TTC6: variants seen among roughly 807,000 people sequenced by gnomAD.
TTC6 encodes the protein tetratricopeptide repeat protein 6.
Under a neutral mutation model 210.4 loss-of-function variants are expected in TTC6, and 172 were observed. The ratio of observed to expected loss-of-function variants is 0.82; its 90% confidence interval spans 0.72 to 0.93. The LOEUF (loss-of-function observed/expected upper bound fraction) is 0.93, where lower values mean the gene tolerates loss of function less well. TTC6 is among the 40% of genes least tolerant of loss of function. The pLI is 0.00. For synonymous variants in TTC6, 804 were observed against 819.6 expected (o/e 0.98, Z 0.32); for missense variants, 2,414 against 2,318.1 (o/e 1.04, Z -0.85).
chr14:37,603,970 G>A (rs1459284398), intron 1 of TTC6, among the ~76,000 whole-genome samples: 1 of 152,190 alleles, frequency 6.6e-6, no homozygotes, highest in Non-Finnish European at 1.5e-5. Context: ...AGTGTAGAAT[G>A]AGTATGCAAT....
intron 2 of TTC6, among the ~76,000 whole-genome samples, chr14:37,608,420 C>T (rs1404871844): frequency 1.3e-5 from 2 of 152,022 alleles, no homozygotes; most frequent in Non-Finnish European, 2.9e-5. Context: ...AGCAATCCTC[C>T]TACCTTAGCC....
At chr14:37,781,380 T>G (rs1034931189) in intron 14 of TTC6, among the ~76,000 whole-genome samples, 1 of 152,206 alleles carries the variant, frequency 6.6e-6, no homozygotes, top group Non-Finnish European at 1.5e-5. Flanking sequence ...TAATGACCAG[T>G]GATGATGAGC....
At chr14:37,615,997 G>C (rs1448936905) in intron 2 of TTC6, among the ~76,000 whole-genome samples, 1 of 152,190 alleles carries the variant, frequency 6.6e-6, no homozygotes. Context: ...TCTAGGTTCT[G>C]TCATATCCTT....
intron 1 of TTC6, among the ~76,000 whole-genome samples, chr14:37,645,332 T>G (rs2095699622): frequency 1.3e-5 from 2 of 152,218 alleles, no homozygotes; most frequent in African/African-American, 4.8e-5. Context: ...ACACACTTAT[T>G]GGTCTCTAAA....
intron 14 of TTC6, among the ~76,000 whole-genome samples, chr14:37,759,468 C>A (rs964475018): frequency 6.6e-6 from 1 of 151,840 alleles, no homozygotes; most frequent in South Asian, 2.1e-4. Context: ...GAGAATTTGA[C>A]GATTATGTTT....
exon 15 of TTC6, chr14:37,787,471 A>G (rs2096070465): frequency 6.6e-7 from 1 of 1,516,472 alleles, no homozygotes; most frequent in South Asian, 1.2e-5. Context: ...TTCCTAGGAC[A>G]TACCGAGGGA....
intron 5 of TTC6, among the ~76,000 whole-genome samples, chr14:37,711,872 A>G (rs2138742869): frequency 6.6e-6 from 1 of 152,250 alleles, no homozygotes; most frequent in East Asian, 1.9e-4. Flanking sequence ...AGGGAGAATG[A>G]ACAGAAATAG....
At chr14:37,596,695 G>A (rs2095605310) in intron 1 of TTC6, among the ~76,000 whole-genome samples, 1 of 152,242 alleles carries the variant, frequency 6.6e-6, no homozygotes, top group South Asian at 2.1e-4. Flanking sequence ...TGTACTGCCT[G>A]TAGAACCACT....
chr14:37,800,811 A>G (rs1333259163), intron 20 of TTC6, among the ~76,000 whole-genome samples: 2 of 152,214 alleles, frequency 1.3e-5, no homozygotes, highest in African/African-American at 4.8e-5. Context: ...ATTTATTTAT[A>G]AACACTGACA....
intron 1 of TTC6, among the ~76,000 whole-genome samples, chr14:37,659,601 C>G (rs1162434022): frequency 6.6e-6 from 1 of 152,026 alleles, no homozygotes; most frequent in African/African-American, 2.4e-5. Flanking sequence ...AATCTTGGCT[C>G]ACTGCAACCT....
chr14:37,740,908 T>A (rs1473271822), intron 10 of TTC6, among the ~76,000 whole-genome samples: 1 of 152,124 alleles, frequency 6.6e-6, no homozygotes, highest in African/African-American at 2.4e-5. Context: ...GACTTCTATC[T>A]AAAAAAAGGA....
intron 14 of TTC6, among the ~76,000 whole-genome samples, chr14:37,764,168 A>G (rs2095992139): frequency 1.3e-5 from 2 of 152,240 alleles, no homozygotes; most frequent in South Asian, 4.1e-4. Flanking sequence ...TTTAAAATTT[A>G]CTGGGACTTG....
At chr14:37,768,851 G>C (rs2096007924) in intron 14 of TTC6, among the ~76,000 whole-genome samples, 1 of 151,688 alleles carries the variant, frequency 6.6e-6, no homozygotes, top group Non-Finnish European at 1.5e-5. Flanking sequence ...GAATAGGAGT[G>C]GTGAGAAAGG....
At chr14:37,832,836 G>A (rs901398905) in intron 29 of TTC6, among the ~76,000 whole-genome samples, 1 of 152,030 alleles carries the variant, frequency 6.6e-6, no homozygotes, top group Non-Finnish European at 1.5e-5. Context: ...AAGGTGGGCA[G>A]ATCACGAGGT....
At chr14:37,744,342 A>G (rs1170063716) in intron 10 of TTC6, among the ~76,000 whole-genome samples, 1 of 152,222 alleles carries the variant, frequency 6.6e-6, no homozygotes, top group East Asian at 1.9e-4. Context: ...GGAAGTGACA[A>G]ATGTAATGAA....
intron 1 of TTC6, among the ~76,000 whole-genome samples, chr14:37,677,784 G>C (rs1011505220): frequency 1.3e-5 from 2 of 151,882 alleles, no homozygotes; most frequent in Non-Finnish European, 2.9e-5. Context: ...TAAGTTAACT[G>C]ACATTTTCTT....
rs1258221310 is a variant in TTC6, at chr14:37,795,268, A to G, written c.3709-2A>G. 1.3e-6 allele frequency: 2 copies of G among 1,528,810 alleles called. No individual in the cohort carries two copies. The highest frequency in any genetic ancestry group is 1.8e-6 in the Non-Finnish European group (2 of 1,142,760). The allele number at this position is 1,528,810 out of a possible 1,614,324, so 94.7% of individuals were successfully genotyped here. ...GCTAAATTTCTGTTTCTCACTCAAC[A>G]GTTGCATAAATTGAAAAAGGCAGTA... On this transcript the variant is annotated splice_acceptor_variant, in intron 17 of 30. Transcript: ENST00000553443. LOFTEE classifies it high-confidence loss of function.
At chr14:37,768,368 T>C (rs2096006231) in intron 14 of TTC6, among the ~76,000 whole-genome samples, 2 of 151,756 alleles carry the variant, frequency 1.3e-5, no homozygotes, top group Admixed American at 1.3e-4. Flanking sequence ...GGGGATGGCA[T>C]TGAATCTATA....
chr14:37,640,654 T>G (rs1258400650), intron 1 of TTC6, among the ~76,000 whole-genome samples: 1 of 152,134 alleles, frequency 6.6e-6, no homozygotes, highest in African/African-American at 2.4e-5. Context: ...GCAGTTCTCC[T>G]GCCTCAGCCT....
Sources: allele counts gnomAD v4.1 joint callset (sites outside exome capture counted in the v4.1 genomes callset), GRCh38; gene constraint gnomAD v4.1.1; transcripts MANE v1.5; gene names NCBI Gene and HGNC (gene_info 2026-07-23, HGNC 2026-07-21).